LMF1: variants seen among roughly 807,000 people sequenced by gnomAD.
LMF1 encodes the protein transmembrane protein 112.
A neutral mutation model predicts 60.6 loss-of-function variants in LMF1; 68 were observed. The observed-to-expected ratio is 1.12, with a 90% CI of 0.92 to 1.37. The LOEUF is 1.37. Among genes scored for constraint, LMF1 ranks in the 40% most tolerant of loss-of-function variants. LMF1 has a pLI of 0.00. For synonymous variants in LMF1, 418 were observed against 324.7 expected, an observed-to-expected ratio of 1.29 and a Z score of -3.09; for missense variants, 948 against 767.2, an observed-to-expected ratio of 1.24 and a Z score of -2.78.
intron 8 of LMF1, 82 bp from the exon 9 acceptor site, chr16:870,148 G>A (rs963795661): frequency 2.0e-5 from 29 of 1,460,744 alleles, no homozygotes; most frequent in South Asian, 9.1e-5. Context: ...GGGGTTCCCC[G>A]ACTGTCCATC....
rs375692384 is a variant in LMF1 at position 913,519 on chromosome 16, C to T, written c.515-2440G>A. ...ATGGCTCATTGCCGGCTGGATGCCC[C>T]GATGCTGGTGCGGAGGAAATGCAGG... On this transcript the variant is annotated intron_variant, in intron 3 of 10. Coordinates refer to ENST00000262301, the MANE Select transcript of LMF1 (RefSeq NM_022773.4). 5.3e-5 allele frequency among the ~76,000 whole-genome samples: 8 copies of T among 152,258 alleles called. No individual in the cohort carries two copies. The East Asian group carries it at 1.3e-3, about 26-fold the overall frequency.
chr16:869,143 C>T lies in LMF1; in HGVS notation c.1417-87G>A, dbSNP rs1001045313. 1.6e-5 allele frequency: 14 copies of T among 878,430 alleles called. No homozygotes were observed. In the African/African-American group the frequency reaches 1.8e-4, roughly 11 times the overall value. The allele number at this position is 878,430 out of a possible 1,614,324, so 54.4% of individuals were successfully genotyped here. A position where few individuals can be genotyped will look rare whatever the true frequency, so the allele number is the denominator to read the frequency against. ...GGACGCTCGGCTGTGCCCTCCACTC[C>T]CTCCTGAGGCTTTCCTGGAGGTGGG... On this transcript the variant is annotated intron_variant, in intron 9 of 10. Transcript: ENST00000262301.
At chr16:969,354 G>C (rs1057467637) in intron 1 of LMF1, among the ~76,000 whole-genome samples, 7 of 151,888 alleles carry the variant, frequency 4.6e-5, no homozygotes, top group Non-Finnish European at 8.8e-5. Flanking sequence ...TTGCTTTAAA[G>C]AAAGAGAGAG....
At position 954,501 on chromosome 16, in the gene LMF1, G is replaced by C. The variant is rs768161861; in HGVS notation, c.359C>G (p.Ser120Ter). 2.0e-5 allele frequency: 32 copies of C among 1,612,788 alleles called. No homozygotes were observed. The highest frequency in any genetic ancestry group is 2.7e-5 in the Non-Finnish European group (32 of 1,179,570). Residue 120 changes from serine to a stop codon, truncating the protein, a stop_gained, in exon 2 of 11, where the codon TCA becomes TGA. Transcript: ENST00000262301. LOFTEE classifies it high-confidence loss of function. ...MPTILWLMDW[S>*]DMNSNLDLLA... Reference sequence around the variant, plus strand: ...CAAGTCCAGGTTGGAGTTCATGTCTGACCAGTCCATCAGCCAGAGGATGGT... The same window carrying C: ...CAAGTCCAGGTTGGAGTTCATGTCTCACCAGTCCATCAGCCAGAGGATGGT...
intron 3 of LMF1, among the ~76,000 whole-genome samples, chr16:930,812 C>T (rs969104113): frequency 2.6e-5 from 4 of 152,162 alleles, no homozygotes; most frequent in African/African-American, 9.7e-5. Flanking sequence ...GCAGCCTCTG[C>T]AGACTGCTGG....
intron 10 of LMF1, among the ~76,000 whole-genome samples, chr16:860,257 T>G (rs1273549766): frequency 6.6e-6 from 1 of 152,170 alleles, no homozygotes; most frequent in Non-Finnish European, 1.5e-5. Flanking sequence ...GAATTTCAAT[T>G]AATTTTTCCT....
chr16:868,999 C>T lies in LMF1; in HGVS notation c.1474G>A (p.Ala492Thr), dbSNP rs775754688. ...TGTGCCAGCAGGGACAAGGCCTCGG[C>T]GTCGCTGGCCAGGAGCTTGCCAGCC... ...HLAGKLLASD[A>T]EALSLLAHNP... Residue 492 changes from alanine (A) to threonine (T), a missense_variant, in exon 10 of 11, where the codon GCC becomes ACC. Transcript: ENST00000262301. 18 of 1,612,462 alleles carry T rather than the reference C, an allele frequency of 1.1e-5. No individual in the cohort carries two copies. Among genetic ancestry groups the T allele is most frequent in the African/African-American group, 4.0e-5 (3 of 74,922 alleles).
intron 1 of LMF1, chr16:976,292 C>T (rs1304646619): frequency 1.3e-5 from 6 of 450,930 alleles, no homozygotes; most frequent in East Asian, 1.4e-4. Context: ...GGGCCCAGAA[C>T]GAGGCTGGGG....
rs1441357354 is a variant in LMF1, at chr16:911,037, A to G, written c.557T>C (p.Phe186Ser). The change falls in exon 4 of 11, where the codon TTC becomes TCC. Residue 186 changes from phenylalanine to serine, a missense_variant. Transcript: ENST00000262301. ...TGACAGCGTCCACAGAGGGCACAGG[A>G]AGATCCCCAGGAACCCCGTCTCCAG... ...QLLETGFLGIFLCPLWTLSRL... is the reference protein window; with the variant it reads ...QLLETGFLGISLCPLWTLSRL... The G allele has an allele frequency of 6.2e-7, 1 of 1,613,046 alleles. No homozygotes were observed. Among genetic ancestry groups the G allele is most frequent in the South Asian group, 1.1e-5 (1 of 91,048 alleles).
chr16:898,510 G>C (rs1044821016), intron 4 of LMF1, among the ~76,000 whole-genome samples: 12 of 152,364 alleles, frequency 7.9e-5, no homozygotes, highest in African/African-American at 2.4e-4. Flanking sequence ...TGAGGCCTTG[G>C]CTGCTGGGGC....
At chr16:894,342 C>T (rs375477170) in intron 4 of LMF1, among the ~76,000 whole-genome samples, 1,389 of 106,518 alleles carry the variant, frequency 0.013, no homozygotes, top group Non-Finnish European at 0.018. Context: ...CCCTGTCCAC[C>T]GGACCGTCCG....
At chr16:957,262 G>A (rs951509462) in intron 1 of LMF1, among the ~76,000 whole-genome samples, 11 of 152,320 alleles carry the variant, frequency 7.2e-5, no homozygotes, top group Admixed American at 3.9e-4. Flanking sequence ...TTCCTACTGC[G>A]TGTAGGAATC....
intron 1 of LMF1, chr16:977,105 C>A (rs1382106310): frequency 1.3e-5 from 6 of 453,958 alleles, no homozygotes; most frequent in African/African-American, 1.2e-4. Context: ...TGCAAGGTGC[C>A]AAGAAAGACT....
intron 3 of LMF1, among the ~76,000 whole-genome samples, chr16:913,646 C>G (rs2071185614): frequency 6.6e-6 from 1 of 152,260 alleles, no homozygotes; most frequent in South Asian, 2.1e-4. Context: ...AAGGCAGGAG[C>G]CTGTGGCCTG....
chr16:891,233 CG>C (rs2070478744), intron 5 of LMF1, among the ~76,000 whole-genome samples: 1 of 152,202 alleles, frequency 6.6e-6, no homozygotes, highest in African/African-American at 2.4e-5. Context: ...TGGCATGACC[CG>C]TCCCCCAGAA....
At chr16:947,727 T>G in intron 2 of LMF1, 1 of 376,266 alleles carries the variant, frequency 2.7e-6, no homozygotes, top group South Asian at 2.0e-5. Flanking sequence ...GCAGGGCCAC[T>G]GCCAAAGCCA....
intron 3 of LMF1, among the ~76,000 whole-genome samples, chr16:920,630 TGTCCATGTCC>T (rs2071407676): frequency 6.6e-6 from 1 of 152,222 alleles, no homozygotes; most frequent in South Asian, 2.1e-4. Context: ...AGAGGCCTGA[TGTCCATGTCC>T]GTGGAGCCAC....
At chr16:944,673 G>T (rs962922868) in intron 2 of LMF1, among the ~76,000 whole-genome samples, 3 of 152,226 alleles carry the variant, frequency 2.0e-5, no homozygotes, top group African/African-American at 7.2e-5. Flanking sequence ...TGGAGTCCAT[G>T]AAGACAAATC....
intron 1 of LMF1, among the ~76,000 whole-genome samples, chr16:957,912 G>A (rs956005544): frequency 6.6e-6 from 1 of 152,194 alleles, no homozygotes. Flanking sequence ...GGAGGCTGAG[G>A]CAGGAGGATC....
Sources: gnomAD v4.1 joint callset for allele counts (sites outside exome capture counted in the v4.1 genomes callset) on GRCh38, gnomAD v4.1.1 for gene constraint, MANE v1.5 for transcripts, NCBI Gene and HGNC (gene_info 2026-07-23, HGNC 2026-07-21) for gene names.